CDKN2AIP: variants seen among roughly 807,000 people sequenced by gnomAD.
The protein encoded by CDKN2AIP is CDKN2A-interacting protein.
In CDKN2AIP, 12 loss-of-function variants were observed where a neutral mutation model predicts 44.1. The observed-to-expected ratio is 0.27, with a 90% CI of 0.17 to 0.44. The LOEUF is 0.44. Ranked by LOEUF, CDKN2AIP falls within the 20% of genes least tolerant of loss-of-function variation. The pLI, the probability that CDKN2AIP is intolerant of heterozygous loss-of-function variation, is 1.00. For synonymous variants in CDKN2AIP, 291 were observed against 272.1 expected (o/e 1.07, Z -0.68); for missense variants, 705 against 681.6 (o/e 1.03, Z -0.38).
chr4:183,447,375 CGAG>C lies in CDKN2AIP; in HGVS notation c.1693_1695del (p.Arg565del). ...GATCTAGTACTCCTTGATGAAGAATCGAGGCCTGTAAACTTACCTCCAGCACTA... is the reference window on the plus strand; with the variant it reads ...GATCTAGTACTCCTTGATGAAGAATCGCCTGTAAACTTACCTCCAGCACTA... On this transcript the variant is annotated inframe_deletion, in exon 3 of 3. Coordinates refer to ENST00000504169, the MANE Select transcript of CDKN2AIP (RefSeq NM_017632.4). 1 of 1,572,500 alleles carries C rather than the reference CGAG, an allele frequency of 6.4e-7. No homozygotes were observed. Among genetic ancestry groups the C allele is most frequent in the South Asian group, 1.2e-5 (1 of 83,664 alleles).
At chr4:183,445,742 A>AT (rs200057043) in intron 2 of CDKN2AIP, 77 bp downstream of exon 2, 2 of 1,288,962 alleles carry the variant, frequency 1.6e-6, no homozygotes, top group East Asian at 2.3e-5. Context: ...ATTGTTACTA[A>AT]TTTTTTTAAC....
chr4:183,445,685 G>C lies in CDKN2AIP; in HGVS notation c.403+20G>C, dbSNP rs1733651683. Reference sequence around the variant, plus strand: ...GCAATGGTTAGCAGATCATAGATGTGAACATACATAGGAGTTTAGAGCATA... The same window carrying C: ...GCAATGGTTAGCAGATCATAGATGTCAACATACATAGGAGTTTAGAGCATA... On this transcript the variant is annotated intron_variant, in intron 2 of 2. Coordinates refer to ENST00000504169, the MANE Select transcript of CDKN2AIP (RefSeq NM_017632.4). The C allele has an allele frequency of 1.3e-6, 2 of 1,596,128 alleles. No homozygotes were observed. Among genetic ancestry groups the C allele is most frequent in the Non-Finnish European group, 1.7e-6 (2 of 1,164,208 alleles).
At position 183,446,816 on chromosome 4, in the gene CDKN2AIP, C is replaced by T. The variant is rs1303954247; in HGVS notation, c.1132C>T (p.Gln378Ter). The T allele has an allele frequency of 6.2e-7, 1 of 1,614,070 alleles. No homozygotes were observed. Among genetic ancestry groups the T allele is most frequent in the Non-Finnish European group, 8.5e-7 (1 of 1,180,036 alleles). Residue 378 changes from glutamine (Q) to a stop codon, truncating the protein, a stop_gained, in exon 3 of 3, where the codon CAG becomes TAG. Transcript: ENST00000504169. LOFTEE classifies it high-confidence loss of function. ...ASLLASKSSS[Q>*]TSGSLVSKST... ...ACTACTAGCTTCCAAGAGCAGCTCC[C>T]AGACCAGTGGATCTCTGGTTTCCAA...
chr4:183,444,806 G>A lies in CDKN2AIP; in HGVS notation c.9G>A (p.Gln3=). 1 of 1,541,324 alleles carries A rather than the reference G, an allele frequency of 6.5e-7. No homozygotes were observed. The highest frequency in any genetic ancestry group is 8.8e-7 in the Non-Finnish European group (1 of 1,139,520). ...CGGCCTGCAGGCCCAACATGGCGCA[G>A]GAGGTGTCGGAGTACCTGAGCCAGA... MA[Q]EVSEYLSQNP... is the part of the protein sequence containing the mutation. The change falls in exon 1 of 3, where the codon CAG becomes CAA. Residue 3 remains glutamine (Q), a synonymous_variant. Coordinates refer to ENST00000504169, the MANE Select transcript of CDKN2AIP (RefSeq NM_017632.4).
Position 183,448,435 on chromosome 4 carries a change from C to G in CDKN2AIP, c.*1008C>G, listed in dbSNP as rs1264905067. ...TAGAATACCGGAAAGAACAGAGAGC[C>G]GTGTTCAGCTCTTGATAATGAGCCT... On this transcript the variant is annotated 3_prime_UTR_variant, in exon 3 of 3. Coordinates refer to ENST00000504169, the MANE Select transcript of CDKN2AIP (RefSeq NM_017632.4). Among the ~76,000 whole-genome samples the G allele has an allele frequency of 6.6e-6, 1 of 151,992 alleles. No individual in the cohort carries two copies. Among genetic ancestry groups the G allele is most frequent in the Non-Finnish European group, 1.5e-5 (1 of 68,006 alleles).
In CDKN2AIP at chr4:183,448,720, TTAAG is replaced by T. The variant is rs889002791; in HGVS notation, c.*1296_*1299del. ...TAGGAAAATCAAACGTAAGCACAAT[TTAAG>T]TATGTAGCAGTTATTCCTATTTTGT... is the stretch of plus-strand genomic sequence containing the variant. On this transcript the variant is annotated 3_prime_UTR_variant, in exon 3 of 3. Transcript: ENST00000504169. Among the ~76,000 whole-genome samples the T allele has an allele frequency of 6.6e-6, 1 of 152,166 alleles. No individual in the cohort carries two copies. The highest frequency in any genetic ancestry group is 6.5e-5 in the Admixed American group (1 of 15,290).
intron 1 of CDKN2AIP, 71 bp from the exon 2 acceptor site, chr4:183,445,464 T>G: frequency 8.8e-7 from 1 of 1,135,204 alleles, no homozygotes; most frequent in African/African-American, 1.7e-5. Flanking sequence ...GCAGTCCCTG[T>G]GGCCTGTTTT....
At position 183,446,082 on chromosome 4, in the gene CDKN2AIP, T is replaced by G. The variant is rs764074860; in HGVS notation, c.404-6T>G. On this transcript the variant is annotated splice_polypyrimidine_tract_variant and splice_region_variant and intron_variant, in intron 2 of 2. Coordinates refer to ENST00000504169, the MANE Select transcript of CDKN2AIP (RefSeq NM_017632.4). The stretch of plus-strand genomic sequence containing the variant: ...AGTCACATATCTATGTTTTTCTTCT[T>G]TTTAGAAGGGGTAGAAGAGCCATCC... 1.2e-5 allele frequency: 19 copies of G among 1,585,008 alleles called. No homozygotes were observed. Among genetic ancestry groups the G allele is most frequent in the Middle Eastern group, 3.4e-4 (2 of 5,926 alleles).
In CDKN2AIP at chr4:183,447,894, TTAAAAAA is replaced by T. The variant is rs2111228388; in HGVS notation, c.*473_*479del. ...TTGCCCGTAATGTTGAACGTGTCTG[TTAAAAAA>T]TAAAAGAAAAAATAGTTGCTTCAAA... is the stretch of plus-strand genomic sequence containing the variant. On this transcript the variant is annotated 3_prime_UTR_variant, in exon 3 of 3. Transcript: ENST00000504169. The T allele has an allele frequency of 6.6e-6, 1 of 152,646 alleles. No homozygotes were observed. Among genetic ancestry groups the T allele is most frequent in the Admixed American group, 6.5e-5 (1 of 15,294 alleles). The allele number at this position is 152,646 out of a possible 1,614,324, so 9.5% of individuals were successfully genotyped here.
At position 183,448,536 on chromosome 4, in the gene CDKN2AIP, C is replaced by T. The variant is rs1038356619; in HGVS notation, c.*1109C>T. ...TAGGTGATTCTGCCTGTTTGTCTGT[C>T]ATTGTATATTCTGTTTACTTTGCTT... On this transcript the variant is annotated 3_prime_UTR_variant, in exon 3 of 3. Coordinates refer to ENST00000504169, the MANE Select transcript of CDKN2AIP (RefSeq NM_017632.4). Among the ~76,000 whole-genome samples the T allele has an allele frequency of 2.6e-5, 4 of 152,086 alleles. No homozygotes were observed. The highest frequency in any genetic ancestry group is 5.9e-5 in the Non-Finnish European group (4 of 68,004).
rs1335222497 is a variant in CDKN2AIP, at chr4:183,447,411, C to T, written c.1727C>T (p.Pro576Leu). 2 of 1,534,564 alleles carry T rather than the reference C, an allele frequency of 1.3e-6. No homozygotes were observed. Among genetic ancestry groups the T allele is most frequent in the Non-Finnish European group, 1.7e-6 (2 of 1,146,384 alleles). Residue 576 changes from proline (P) to leucine (L), a missense_variant, in exon 3 of 3, where the codon CCT becomes CTT. Coordinates refer to ENST00000504169, the MANE Select transcript of CDKN2AIP (RefSeq NM_017632.4). Reference sequence around the variant, plus strand: ...AACTTACCTCCAGCACTAAAACATCCTCAAGAATTACTATAATGTGTCCAA... The same window carrying T: ...AACTTACCTCCAGCACTAAAACATCTTCAAGAATTACTATAATGTGTCCAA... ...PVNLPPALKH[P>L]QELL
Position 183,449,035 on chromosome 4 carries a change from C to T in CDKN2AIP, c.*1608C>T, listed in dbSNP as rs895636180. ...TTATCAGAAAAGCAAAAAATTACAA[C>T]GAACAAATAAATTTATATAATATAT... On this transcript the variant is annotated 3_prime_UTR_variant, in exon 3 of 3. Coordinates refer to ENST00000504169, the MANE Select transcript of CDKN2AIP (RefSeq NM_017632.4). Among the ~76,000 whole-genome samples the T allele has an allele frequency of 2.8e-4, 43 of 151,948 alleles. No individual in the cohort carries two copies. The highest frequency in any genetic ancestry group is 6.6e-4 in the Admixed American group (10 of 15,254).
In CDKN2AIP at chr4:183,446,320, C is replaced by G; in HGVS notation, c.636C>G (p.Ser212Arg). 1 of 1,614,160 alleles carries G rather than the reference C, an allele frequency of 6.2e-7. No individual in the cohort carries two copies. Among genetic ancestry groups the G allele is most frequent in the East Asian group, 2.2e-5 (1 of 44,892 alleles). Reference sequence around the variant, plus strand: ...GTGATGGAGATCGATCTGTTTCCAGCCAAAGCAGCAGCAGCGTTTCCTCTC... The same window carrying G: ...GTGATGGAGATCGATCTGTTTCCAGGCAAAGCAGCAGCAGCGTTTCCTCTC... ...STSDGDRSVS[S>R]QSSSSVSSQV... Residue 212 changes from serine (S) to arginine (R), a missense_variant, in exon 3 of 3, where the codon AGC (serine) becomes AGG (arginine). Coordinates refer to ENST00000504169, the MANE Select transcript of CDKN2AIP (RefSeq NM_017632.4).
chr4:183,447,618 GTA>G lies in CDKN2AIP; in HGVS notation c.*193_*194del. The stretch of plus-strand genomic sequence containing the variant: ...TATGAATGACAGTACACATTAAAAG[GTA>G]TGCATTAGCAGCATATTAGTATGCT... On this transcript the variant is annotated 3_prime_UTR_variant, in exon 3 of 3. Coordinates refer to ENST00000504169, the MANE Select transcript of CDKN2AIP (RefSeq NM_017632.4). 2.3e-6 allele frequency: 1 copy of G among 443,256 alleles called. No homozygotes were observed. 27.5% of individuals were successfully genotyped at this position (443,256 alleles called of 1,614,324 possible).
chr4:183,447,526 T>C lies in CDKN2AIP; in HGVS notation c.*99T>C, dbSNP rs1733709157. On this transcript the variant is annotated 3_prime_UTR_variant, in exon 3 of 3. Transcript: ENST00000504169. ...CAGGCTTTCACAAATTTTGTATTGC[T>C]TTTTTTCCAGTTTTGCAGAAAATTT... 2 of 831,878 alleles carry C rather than the reference T, an allele frequency of 2.4e-6. No homozygotes were observed. Among genetic ancestry groups the C allele is most frequent in the Non-Finnish European group, 3.7e-6 (2 of 544,306 alleles). 51.5% of individuals were successfully genotyped at this position (831,878 alleles called of 1,614,324 possible). A position where few individuals can be genotyped will look rare whatever the true frequency, so the allele number is the denominator to read the frequency against.
chr4:183,446,895 C>T lies in CDKN2AIP; in HGVS notation c.1211C>T (p.Thr404Ile), dbSNP rs759008324. 13 of 1,614,030 alleles carry T rather than the reference C, an allele frequency of 8.1e-6. No individual in the cohort carries two copies. Among genetic ancestry groups the T allele is most frequent in the Middle Eastern group, 1.6e-4 (1 of 6,084 alleles). ...SQLASKSSSQ[T>I]STSQLPSKST... ...TTGGCTTCTAAGAGTAGTTCTCAGACTAGCACCTCACAGTTGCCTTCTAAA... is the reference window on the plus strand; with the variant it reads ...TTGGCTTCTAAGAGTAGTTCTCAGATTAGCACCTCACAGTTGCCTTCTAAA... Residue 404 changes from threonine (T) to isoleucine (I), a missense_variant, in exon 3 of 3, where the codon ACT (threonine) becomes ATT (isoleucine). This residue lies in a region of CDKN2AIP where 592 missense variants were observed against 518.0 expected (regional missense o/e 1.14). Coordinates refer to ENST00000504169, the MANE Select transcript of CDKN2AIP (RefSeq NM_017632.4).
In CDKN2AIP at chr4:183,444,955, C is replaced by T. The variant is rs140569382; in HGVS notation, c.158C>T (p.Ala53Val). 8.4e-5 allele frequency: 136 copies of T among 1,611,574 alleles called. No individual in the cohort carries two copies. Among genetic ancestry groups the T allele is most frequent in the Non-Finnish European group, 1.1e-4 (131 of 1,178,994 alleles). The change falls in exon 1 of 3, where the codon GCC becomes GTC. Residue 53 changes from alanine (A) to valine (V), a missense_variant. Ala to Val is a moderately conservative substitution (Grantham distance 64). Coordinates refer to ENST00000504169, the MANE Select transcript of CDKN2AIP (RefSeq NM_017632.4). ...AGDLAPAGGA[A>V]SASTDEAADA... ...GACCTGGCCCCCGCTGGCGGCGCTGCCTCCGCTAGCACGGATGAAGCTGCC... is the reference window on the plus strand; with the variant it reads ...GACCTGGCCCCCGCTGGCGGCGCTGTCTCCGCTAGCACGGATGAAGCTGCC...
Position 183,444,744 on chromosome 4 carries a change from C to G in CDKN2AIP, c.-54C>G. The G allele has an allele frequency of 1.4e-6, 2 of 1,463,660 alleles. No homozygotes were observed. The highest frequency in any genetic ancestry group is 1.8e-6 in the Non-Finnish European group (2 of 1,101,366). 90.7% of individuals were successfully genotyped at this position (1,463,660 alleles called of 1,614,324 possible). Reference sequence around the variant, plus strand: ...GCCGCAGTGACAGGGCCGCTCGCCCCGCTAGTCCTGCCTGTCTCCCGGTGC... The same window carrying G: ...GCCGCAGTGACAGGGCCGCTCGCCCGGCTAGTCCTGCCTGTCTCCCGGTGC... On this transcript the variant is annotated 5_prime_UTR_variant, in exon 1 of 3. Transcript: ENST00000504169.
rs999235756 is a variant in CDKN2AIP, at chr4:183,446,612, C to T, written c.928C>T (p.Pro310Ser). 2 of 1,613,860 alleles carry T rather than the reference C, an allele frequency of 1.2e-6. No homozygotes were observed. The highest frequency in any genetic ancestry group is 8.5e-7 in the Non-Finnish European group (1 of 1,179,844). ...EVELPLLSSK[P>S]SSETASSGLT... ...AGAATTGCCACTATTGTCTTCCAAA[C>T]CTAGTTCAGAGACAGCTTCAAGTGG... Residue 310 changes from proline (P) to serine (S), a missense_variant, in exon 3 of 3, where the codon CCT (proline) becomes TCT (serine). Physicochemically the swap from Pro to Ser is moderately conservative, Grantham distance 74 (BLOSUM62 -1). Coordinates refer to ENST00000504169, the MANE Select transcript of CDKN2AIP (RefSeq NM_017632.4).
Sources: gnomAD v4.1 joint callset for allele counts (sites outside exome capture counted in the v4.1 genomes callset) on GRCh38, gnomAD v4.1.1 for gene constraint, gnomAD v4.1.1 regional missense constraint, MANE v1.5 for transcripts, NCBI Gene and HGNC (gene_info 2026-07-23, HGNC 2026-07-21) for gene names.